The following ZNG1C variants were observed in gnomAD, a reference collection of about 807,000 sequenced individuals.
The protein encoded by ZNG1C is Zn regulated GTPase metalloprotein activator 1C.
the ZNG1C span, among the ~76,000 whole-genome samples, chr9:68,247,084 G>T: frequency 6.6e-6 from 1 of 152,126 alleles, no homozygotes; most frequent in African/African-American, 2.4e-5. Flanking sequence ...CGCCCGCCTT[G>T]GCCTCCCTAT....
the ZNG1C span, among the ~76,000 whole-genome samples, chr9:68,244,644 G>A: frequency 7.4e-6 from 1 of 135,826 alleles, no homozygotes; most frequent in African/African-American, 3.0e-5. Context: ...ATACTATGCA[G>A]TTAGGATTTT....
At chr9:68,281,310 G>T in the ZNG1C span, among the ~76,000 whole-genome samples, 1 of 152,276 alleles carries the variant, frequency 6.6e-6, no homozygotes, top group Non-Finnish European at 1.5e-5. Context: ...CGTCTCTCAC[G>T]CTGGGAGCTG....
chr9:68,271,126 A>T, the ZNG1C span, among the ~76,000 whole-genome samples: 1 of 107,772 alleles, frequency 9.3e-6, no homozygotes, highest in Non-Finnish European at 1.9e-5. Context: ...AAGTTGATTT[A>T]GTAGCAAATG....
chr9:68,271,957 G>T, the ZNG1C span, among the ~76,000 whole-genome samples: 32 of 149,804 alleles, frequency 2.1e-4, no homozygotes, highest in African/African-American at 5.1e-4. Context: ...TGAGTTTGAA[G>T]TGCCACTGGG....
chr9:68,272,471 G>T, the ZNG1C span: 1 of 62,656 alleles, frequency 1.6e-5, no homozygotes, highest in Non-Finnish European at 3.6e-5. Context: ...TTAATGCTTT[G>T]GAAAAGATCT....
the ZNG1C span, among the ~76,000 whole-genome samples, chr9:68,296,574 T>C: frequency 1.3e-5 from 2 of 152,402 alleles, no homozygotes; most frequent in Non-Finnish European, 2.9e-5. Flanking sequence ...TGTAAGCCTG[T>C]ATGATTATGT....
At chr9:68,281,078 G>A in the ZNG1C span, among the ~76,000 whole-genome samples, 1 of 136,188 alleles carries the variant, frequency 7.3e-6, no homozygotes, top group Non-Finnish European at 1.6e-5. Context: ...CGCAGTATTC[G>A]GGTGGGAGTG....
chr9:68,274,377 G>C, the ZNG1C span: 1 of 164,710 alleles, frequency 6.1e-6, no homozygotes, highest in Non-Finnish European at 1.3e-5. Context: ...GCCCCATTCT[G>C]AATGAATGAA....
the ZNG1C span, among the ~76,000 whole-genome samples, chr9:68,291,001 T>G: frequency 1.3e-5 from 2 of 148,922 alleles, no homozygotes; most frequent in Non-Finnish European, 3.0e-5. Context: ...TTCGATACAC[T>G]GTTCAGTACA....
chr9:68,287,650 A>T, the ZNG1C span, among the ~76,000 whole-genome samples: 1 of 152,302 alleles, frequency 6.6e-6, no homozygotes, highest in Non-Finnish European at 1.5e-5. Context: ...TAGTGTATTA[A>T]AGCAAATTCC....
chr9:68,244,697 C>CT, the ZNG1C span, among the ~76,000 whole-genome samples: 11 of 93,972 alleles, frequency 1.2e-4, no homozygotes, highest in Admixed American at 4.6e-4. Flanking sequence ...GTTCACAAGA[C>CT]TTTTTTTTCT....
the ZNG1C span, among the ~76,000 whole-genome samples, chr9:68,244,529 T>G: frequency 8.0e-6 from 1 of 124,964 alleles, no homozygotes; most frequent in South Asian, 2.5e-4. Flanking sequence ...ATAGCCTACA[T>G]GTAAAAGTTT....
chr9:68,274,283 C>A, the ZNG1C span: 2 of 149,332 alleles, frequency 1.3e-5, no homozygotes, highest in African/African-American at 4.9e-5. Flanking sequence ...TCATTGGATT[C>A]AATTAAATGA....
At chr9:68,266,589 T>C in the ZNG1C span, among the ~76,000 whole-genome samples, 1 of 147,254 alleles carries the variant, frequency 6.8e-6, no homozygotes, top group Non-Finnish European at 1.5e-5. Context: ...TCTTTCCTAA[T>C]GTCAGTCTTC....
chr9:68,280,937 C>T, the ZNG1C span, among the ~76,000 whole-genome samples: 2 of 107,412 alleles, frequency 1.9e-5, no homozygotes, highest in African/African-American at 7.0e-5. Context: ...CCCCCAGCCT[C>T]GCTGCCGCCT....
At chr9:68,281,587 C>T in the ZNG1C span, among the ~76,000 whole-genome samples, 8 of 91,526 alleles carry the variant, frequency 8.7e-5, 1 homozygote, top group Admixed American at 4.7e-4. Flanking sequence ...ATCTCTGGAA[C>T]GTTTCACTCT....
the ZNG1C span, among the ~76,000 whole-genome samples, chr9:68,275,243 A>G: frequency 8.2e-6 from 1 of 121,782 alleles, no homozygotes; most frequent in East Asian, 2.6e-4. Context: ...AAATACATAG[A>G]AAATTTTAGC....
chr9:68,283,518 AT>A, the ZNG1C span, among the ~76,000 whole-genome samples: 6 of 112,914 alleles, frequency 5.3e-5, no homozygotes, highest in African/African-American at 1.9e-4. Flanking sequence ...TTAGAACTGT[AT>A]TTTTAATTTG....
At chr9:68,280,927 C>A in the ZNG1C span, among the ~76,000 whole-genome samples, 1 of 106,566 alleles carries the variant, frequency 9.4e-6, no homozygotes, top group African/African-American at 3.6e-5. Flanking sequence ...GGGCGCCCCT[C>A]CCCCAGCCTC....
Sources: allele counts gnomAD v4.1 joint callset (sites outside exome capture counted in the v4.1 genomes callset), GRCh38; gene constraint gnomAD v4.1.1; transcripts MANE v1.5; gene names NCBI Gene and HGNC (gene_info 2026-07-23, HGNC 2026-07-21).